Variants in ZNF280B observed in about 807,000 individuals in gnomAD.
ZNF280B encodes the protein zinc finger protein 280B.
A neutral mutation model predicts 38.0 loss-of-function variants in ZNF280B; 16 were observed. The ratio of observed to expected loss-of-function variants is 0.42; its 90% CI spans 0.28 to 0.64. The LOEUF is 0.64. ZNF280B is among the 30% of genes least tolerant of loss of function. The probability of loss-of-function intolerance (pLI) is 0.21; values close to 1 mark genes in which losing one functional copy is unlikely to be tolerated. For missense variants in ZNF280B, 581 were observed against 639.6 expected (o/e 0.91, Z 0.99); for synonymous variants, 253 against 230.6 (o/e 1.10, Z -0.88).
rs1294034004 is a variant in ZNF280B, at chr22:22,487,791, G to T, written c.1608C>A (p.Ser536Arg). ...DSEPSLPRSK[S>R]KISKKSH Reference sequence around the variant, plus strand: ...ATTAATGGGACTTTTTTGAAATTTTGCTTTTAGACCTGGGGAGTGATGGTT... The same window carrying T: ...ATTAATGGGACTTTTTTGAAATTTTTCTTTTAGACCTGGGGAGTGATGGTT... The change falls in exon 4 of 4, where the codon AGC (serine) becomes AGA (arginine). Residue 536 changes from serine to arginine, a missense_variant. Physicochemically the swap from Ser to Arg is moderately radical, Grantham distance 110 (BLOSUM62 -1). Coordinates refer to ENST00000626650, the MANE Select transcript of ZNF280B (RefSeq NM_080764.4). The T allele has an allele frequency of 6.4e-6, 10 of 1,569,148 alleles. No homozygotes were observed. The highest frequency in any genetic ancestry group is 6.2e-5 in the Admixed American group (3 of 48,752).
chr22:22,488,971 G>A lies in ZNF280B; in HGVS notation c.428C>T (p.Ser143Phe). The A allele has an allele frequency of 6.2e-7, 1 of 1,613,872 alleles. No individual in the cohort carries two copies. The highest frequency in any genetic ancestry group is 2.2e-5 in the East Asian group (1 of 44,792). ...VVPNNSSELP[S>F]PLITFTDSLH... is the part of the protein sequence containing the mutation. The stretch of plus-strand genomic sequence containing the variant: ...TGAATCTGTGAATGTAATCAAAGGA[G>A]AAGGTAATTCTGAAGAGTTATTAGG... Residue 143 changes from serine to phenylalanine, a missense_variant, in exon 4 of 4, where the codon TCT (serine) becomes TTT (phenylalanine). Physicochemically the swap from Ser to Phe is radical, Grantham distance 155. Transcript: ENST00000626650.
At chr22:22,501,401 C>T (rs563589409) in intron 2 of ZNF280B, among the ~76,000 whole-genome samples, 1 of 151,536 alleles carries the variant, frequency 6.6e-6, no homozygotes, top group Admixed American at 6.6e-5. Flanking sequence ...CCTGTCTCTA[C>T]TAAAAATACA....
chr22:22,504,399 C>T (rs1260277093), intron 2 of ZNF280B, among the ~76,000 whole-genome samples: 1 of 149,050 alleles, frequency 6.7e-6, no homozygotes, highest in African/African-American at 2.5e-5. Context: ...TGCACTCCGG[C>T]CTGGACAACA....
intron 2 of ZNF280B, among the ~76,000 whole-genome samples, chr22:22,495,016 G>A (rs909713797): frequency 1.3e-5 from 2 of 152,046 alleles, no homozygotes; most frequent in East Asian, 2.0e-4. Context: ...GTGAGCCACC[G>A]TGCCCAGCCT....
intron 2 of ZNF280B, among the ~76,000 whole-genome samples, chr22:22,503,805 T>G (rs1471711471): frequency 1.3e-5 from 2 of 151,954 alleles, no homozygotes; most frequent in African/African-American, 2.4e-5. Context: ...AATTACATAG[T>G]CAACCTAGTT....
rs202174242 is a variant in ZNF280B, at chr22:22,488,890, C to G, written c.509G>C (p.Arg170Pro). Reference protein sequence around the residue: ...LSVGGINESPRVSKQLSTFEV... With the variant: ...LSVGGINESPPVSKQLSTFEV... ...GAAAGTGGAAAGTTGCTTTGATACA[C>G]GAGGACTTTCATTTATACCTCCTAC... is the stretch of plus-strand genomic sequence containing the variant. The change falls in exon 4 of 4, where the codon CGT becomes CCT. Residue 170 changes from arginine to proline, a missense_variant. By Grantham distance (103) the Arg-to-Pro change is moderately radical (BLOSUM62 -2). Coordinates refer to ENST00000626650, the MANE Select transcript of ZNF280B (RefSeq NM_080764.4). 5 of 1,613,628 alleles carry G rather than the reference C, an allele frequency of 3.1e-6. No individual in the cohort carries two copies. Among genetic ancestry groups the G allele is most frequent in the Non-Finnish European group, 4.2e-6 (5 of 1,179,962 alleles).
rs1282862581 is a variant in ZNF280B at position 22,489,002 on chromosome 22, C to T, written c.397G>A (p.Val133Ile). Residue 133 changes from valine to isoleucine, a missense_variant, in exon 4 of 4, where the codon GTT (valine) becomes ATT (isoleucine). Physicochemically the swap from Val to Ile is conservative, Grantham distance 29. Coordinates refer to ENST00000626650, the MANE Select transcript of ZNF280B (RefSeq NM_080764.4). ...AATTCTGAAGAGTTATTAGGCACAACTTGTGGTGAACTATTTCTATAATCA... is the reference window on the plus strand; with the variant it reads ...AATTCTGAAGAGTTATTAGGCACAATTTGTGGTGAACTATTTCTATAATCA... ...KPDYRNSSPQVVPNNSSELPS... is the reference protein window; with the variant it reads ...KPDYRNSSPQIVPNNSSELPS... 1 of 1,613,658 alleles carries T rather than the reference C, an allele frequency of 6.2e-7. No homozygotes were observed. Among genetic ancestry groups the T allele is most frequent in the Non-Finnish European group, 8.5e-7 (1 of 1,179,948 alleles).
chr22:22,505,368 C>T (rs538211910), intron 2 of ZNF280B, among the ~76,000 whole-genome samples: 10 of 151,884 alleles, frequency 6.6e-5, no homozygotes, highest in African/African-American at 2.4e-4. Flanking sequence ...AAGTTCGAGA[C>T]CGGCCTGGCC....
In ZNF280B at chr22:22,488,449, T is replaced by C. The variant is rs556940037; in HGVS notation, c.950A>G (p.Lys317Arg). ...FKCLSCVKVL[K>R]NVKFMNHVKH... ...CACGTGATTCATAAACTTAACATTT[T>C]TTAGAACTTTCACGCAGCTGAGGCA... is the stretch of plus-strand genomic sequence containing the variant. The change falls in exon 4 of 4, where the codon AAA (lysine) becomes AGA (arginine). Residue 317 changes from lysine to arginine, a missense_variant. Physicochemically the swap from Lys to Arg is conservative, Grantham distance 26 (BLOSUM62 2). Coordinates refer to ENST00000626650, the MANE Select transcript of ZNF280B (RefSeq NM_080764.4). 31 of 1,613,774 alleles carry C rather than the reference T, an allele frequency of 1.9e-5. No individual in the cohort carries two copies. Among genetic ancestry groups the C allele is most frequent in the Non-Finnish European group, 2.5e-5 (29 of 1,179,990 alleles).
At chr22:22,494,688 C>A (rs1227096573) in intron 2 of ZNF280B, among the ~76,000 whole-genome samples, 1 of 151,878 alleles carries the variant, frequency 6.6e-6, no homozygotes, top group Non-Finnish European at 1.5e-5. Context: ...GATAACCCAC[C>A]TTCCAGATTA....
intron 2 of ZNF280B, among the ~76,000 whole-genome samples, chr22:22,504,870 A>G (rs1440883550): frequency 2.6e-5 from 4 of 151,990 alleles, no homozygotes; most frequent in Admixed American, 2.6e-4. Flanking sequence ...CACTCATTCA[A>G]TAAAAGTTTG....
At chr22:22,490,013 T>C (rs1025865704) in intron 3 of ZNF280B, among the ~76,000 whole-genome samples, 3 of 151,970 alleles carry the variant, frequency 2.0e-5, no homozygotes, top group South Asian at 2.1e-4. Flanking sequence ...TTGATTCATA[T>C]ATAGTAATCT....
rs1475400196 is a variant in ZNF280B, at chr22:22,498,428, A to G, written c.-186-4248T>C. Among the ~76,000 whole-genome samples the G allele has an allele frequency of 8.5e-5, 13 of 152,106 alleles. No homozygotes were observed. In the South Asian group the frequency reaches 2.5e-3, roughly 29 times the overall value. The stretch of plus-strand genomic sequence containing the variant: ...TACCAACCACACAGAAATAAAGAGA[A>G]TTATAAAGGAATACTATGAAAAATT... On this transcript the variant is annotated intron_variant, in intron 2 of 3. Transcript: ENST00000626650.
rs2061523629 is a variant in ZNF280B at position 22,487,923 on chromosome 22, T to C, written c.1476A>G (p.Leu492=). 2.5e-6 allele frequency: 4 copies of C among 1,613,714 alleles called. No homozygotes were observed. Among genetic ancestry groups the C allele is most frequent in the Non-Finnish European group, 2.5e-6 (3 of 1,179,936 alleles). Residue 492 remains leucine, a synonymous_variant, in exon 4 of 4, where the codon CTA becomes CTG. Coordinates refer to ENST00000626650, the MANE Select transcript of ZNF280B (RefSeq NM_080764.4). ...CHQMFKKPKQ[L]EGLPPETKVT... is the part of the protein sequence containing the mutation. ...CTTTTGTTTCAGGAGGTAATCCTTC[T>C]AGTTGCTTAGGCTTCTTAAACATTT... is the stretch of plus-strand genomic sequence containing the variant.
At chr22:22,499,414 G>A (rs911279203) in intron 2 of ZNF280B, among the ~76,000 whole-genome samples, 11 of 151,824 alleles carry the variant, frequency 7.2e-5, no homozygotes, top group South Asian at 4.2e-4. Flanking sequence ...ACAGGCATGC[G>A]TCACCACGCC....
chr22:22,500,964 G>A (rs1185243178), intron 2 of ZNF280B, among the ~76,000 whole-genome samples: 1 of 141,390 alleles, frequency 7.1e-6, no homozygotes, highest in Non-Finnish European at 1.5e-5. Context: ...AAGTTGCAGT[G>A]AGTGGAGATC....
chr22:22,496,312 G>A (rs948017184), intron 2 of ZNF280B, among the ~76,000 whole-genome samples: 13 of 150,550 alleles, frequency 8.6e-5, no homozygotes, highest in African/African-American at 3.2e-4. Context: ...TGTCCACACT[G>A]GTCTCGAACT....
chr22:22,505,536 A>T (rs2061919420), intron 2 of ZNF280B, among the ~76,000 whole-genome samples: 1 of 151,842 alleles, frequency 6.6e-6, no homozygotes, highest in Admixed American at 6.6e-5. Context: ...ACTGCACTCC[A>T]GCCTGGGTGG....
chr22:22,500,209 A>G (rs1298306698), intron 2 of ZNF280B, among the ~76,000 whole-genome samples: 1 of 151,908 alleles, frequency 6.6e-6, no homozygotes, highest in Non-Finnish European at 1.5e-5. Flanking sequence ...GAACTACTAT[A>G]TGTTCTAGCA....
Sources: gnomAD v4.1 joint callset for allele counts (sites outside exome capture counted in the v4.1 genomes callset) on GRCh38, gnomAD v4.1.1 for gene constraint, MANE v1.5 for transcripts, NCBI Gene and HGNC (gene_info 2026-07-23, HGNC 2026-07-21) for gene names.